Variants in TAB2 observed in about 807,000 individuals in gnomAD.
The protein encoded by TAB2 is TGF-beta activated kinase 1 (MAP3K7) binding protein 2, also known as TGF-beta-activated kinase 1 and MAP3K7-binding protein 2.
In TAB2, 3 loss-of-function variants were observed where a neutral mutation model predicts 65.0. The observed-to-expected ratio is 0.05, with a 90% CI of 0.02 to 0.12. The LOEUF (loss-of-function observed/expected upper bound fraction) is 0.12. Among genes scored for constraint, TAB2 ranks in the 10% least tolerant of loss-of-function variants. TAB2 has a pLI of 1.00. For missense variants in TAB2, 623 were observed against 840.3 expected (o/e 0.74, Z 3.20); for synonymous variants, 298 against 285.1 (o/e 1.05, Z -0.46).
At chr6:149,361,165 G>A (rs1780835559) in intron 1 of TAB2, among the ~76,000 whole-genome samples, 1 of 152,162 alleles carries the variant, frequency 6.6e-6, no homozygotes, top group Non-Finnish European at 1.5e-5. Context: ...AGACTCTGTG[G>A]GGCCTCCAAC....
chr6:149,253,214 T>G (rs990139076), intron 1 of TAB2: 1 of 152,236 alleles, frequency 6.6e-6, no homozygotes, highest in Non-Finnish European at 1.5e-5. Context: ...TTGGGGCCAA[T>G]GAAACATAAA....
intron 1 of TAB2, among the ~76,000 whole-genome samples, chr6:149,221,516 G>T (rs1378736647): frequency 2.6e-5 from 4 of 152,144 alleles, no homozygotes; most frequent in Non-Finnish European, 5.9e-5. Context: ...TGACCTCATG[G>T]CTCCCCTTAA....
chr6:149,396,400 G>A (rs920403846), intron 3 of TAB2, among the ~76,000 whole-genome samples: 3 of 152,134 alleles, frequency 2.0e-5, no homozygotes, highest in East Asian at 3.9e-4. Flanking sequence ...TGCATTCTGG[G>A]TAACATTCTT....
chr6:149,318,296 T>C (rs1448715490), intron 1 of TAB2, among the ~76,000 whole-genome samples: 2 of 150,386 alleles, frequency 1.3e-5, no homozygotes. Context: ...GGAGCTTCAT[T>C]GGAATCGAGC....
intron 1 of TAB2, among the ~76,000 whole-genome samples, chr6:149,250,463 G>A (rs11965682): frequency 0.017 from 2,509 of 152,000 alleles, 83 homozygotes; most frequent in African/African-American, 0.058. Context: ...GTACCACTAC[G>A]CCCAGCTAAT....
At chr6:149,386,815 G>T (rs1404043681) in intron 3 of TAB2, among the ~76,000 whole-genome samples, 1 of 152,078 alleles carries the variant, frequency 6.6e-6, no homozygotes. Flanking sequence ...CATCCTAGTG[G>T]CTGCAAAGTA....
At chr6:149,396,781 T>C (rs998104959) in intron 3 of TAB2, among the ~76,000 whole-genome samples, 1 of 152,254 alleles carries the variant, frequency 6.6e-6, no homozygotes, top group African/African-American at 2.4e-5. Flanking sequence ...TACAAAAATA[T>C]AAGTGGCAAT....
chr6:149,241,884 C>T (rs1381814869), intron 1 of TAB2, among the ~76,000 whole-genome samples: 1 of 152,182 alleles, frequency 6.6e-6, no homozygotes, highest in African/African-American at 2.4e-5. Context: ...GAAGCCCACT[C>T]TCAGCCTTCC....
chr6:149,291,233 T>A (rs1034143095), intron 1 of TAB2: 2 of 152,222 alleles, frequency 1.3e-5, no homozygotes, highest in Admixed American at 6.5e-5. Context: ...TAATCCAAGA[T>A]TGCTGAATTT....
intron 1 of TAB2, among the ~76,000 whole-genome samples, chr6:149,362,129 T>C (rs1400996121): frequency 6.6e-6 from 1 of 152,224 alleles, no homozygotes; most frequent in African/African-American, 2.4e-5. Context: ...AGTTCCCAAG[T>C]TGCTTCCACA....
chr6:149,261,243 T>A (rs1463948417), intron 1 of TAB2, among the ~76,000 whole-genome samples: 1 of 152,234 alleles, frequency 6.6e-6, no homozygotes, highest in Admixed American at 6.5e-5. Context: ...AAATTTCACA[T>A]CCAACATCTC....
At chr6:149,391,797 T>A (rs1781995762) in intron 3 of TAB2, among the ~76,000 whole-genome samples, 2 of 152,248 alleles carry the variant, frequency 1.3e-5, no homozygotes, top group South Asian at 4.1e-4. Context: ...CTCCTAGGCC[T>A]CCGAAAGTGC....
intron 1 of TAB2, among the ~76,000 whole-genome samples, chr6:149,326,128 G>T (rs1212292356): frequency 6.6e-6 from 1 of 152,026 alleles, no homozygotes; most frequent in African/African-American, 2.4e-5. Flanking sequence ...TAAACAAATT[G>T]TATTATTATG....
intron 1 of TAB2, among the ~76,000 whole-genome samples, chr6:149,264,270 A>G (rs1309602609): frequency 1.3e-5 from 2 of 152,122 alleles, no homozygotes; most frequent in Admixed American, 1.3e-4. Context: ...TTCCCTAAGG[A>G]ATGTGTGCCA....
upstream of TAB2, among the ~76,000 whole-genome samples, chr6:149,314,642 A>G (rs1362697886): frequency 6.6e-6 from 1 of 152,194 alleles, no homozygotes; most frequent in African/African-American, 2.4e-5. Flanking sequence ...CCTTGTATCA[A>G]TGCTATTTAT....
rs117632296 is a variant in TAB2 at position 149,338,889 on chromosome 6, A to T, written c.-90+20874A>T. ...TTTTCTGTATGGTTGAATCATTCCT[A>T]TGGCTATATTTATTATAACGTGAAT... On this transcript the variant is annotated intron_variant, in intron 1 of 6. Transcript: ENST00000637181. Among the ~76,000 whole-genome samples the T allele has an allele frequency of 7.5e-4, 114 of 152,292 alleles. 2 individuals are homozygous for T. In the East Asian group the frequency reaches 0.014, roughly 19 times the overall value.
At chr6:149,249,428 C>CTCTG (rs901369523) in intron 1 of TAB2, among the ~76,000 whole-genome samples, 4 of 151,926 alleles carry the variant, frequency 2.6e-5, no homozygotes, top group African/African-American at 7.3e-5. Context: ...AACTCTCTCT[C>CTCTG]TGTCTCTCCA....
chr6:149,313,317 C>T (rs374618465), upstream of TAB2, among the ~76,000 whole-genome samples: 6 of 152,150 alleles, frequency 3.9e-5, no homozygotes, highest in East Asian at 1.9e-4. Flanking sequence ...CTCTCTCTCT[C>T]CACAGCTCCT....
upstream of TAB2, among the ~76,000 whole-genome samples, chr6:149,313,364 CCT>C (rs1779197714): frequency 6.6e-6 from 1 of 152,002 alleles, no homozygotes; most frequent in South Asian, 2.1e-4. Flanking sequence ...ATCTGTTGCC[CCT>C]GATTTCTGTA....
Sources: gnomAD v4.1 joint callset for allele counts (sites outside exome capture counted in the v4.1 genomes callset) on GRCh38, gnomAD v4.1.1 for gene constraint, MANE v1.5 for transcripts, NCBI Gene and HGNC (gene_info 2026-07-23, HGNC 2026-07-21) for gene names.